RPTOR: variants seen among roughly 807,000 people sequenced by gnomAD.
RPTOR encodes regulatory-associated protein of mTOR.
RPTOR carries 21 observed loss-of-function variants against 169.9 expected under a neutral mutation model. That is an observed-to-expected ratio of 0.12 (90% CI 0.09 to 0.18). RPTOR has a LOEUF of 0.18. RPTOR is among the 10% of genes least tolerant of loss of function. The pLI is 1.00. For synonymous variants in RPTOR, 732 were observed against 753.2 expected (o/e 0.97, Z 0.46); for missense variants, 1,133 against 1,855.9 (o/e 0.61, Z 7.16).
At chr17:80,942,533 GGTGCCAGCAGGCGTA>G (rs989941512) in intron 25 of RPTOR, among the ~76,000 whole-genome samples, 1 of 152,120 alleles carries the variant, frequency 6.6e-6, no homozygotes, top group African/African-American at 2.4e-5. Flanking sequence ...CAGCAGGCGT[GGTGCCAGCAGGCGTA>G]GTGCCGGGAG....
intron 3 of RPTOR, among the ~76,000 whole-genome samples, chr17:80,660,441 G>GT (rs1221724128): frequency 1.3e-5 from 2 of 152,010 alleles, no homozygotes; most frequent in Non-Finnish European, 2.9e-5. Context: ...GTGATGGATC[G>GT]TACAACCTTT....
intron 7 of RPTOR, among the ~76,000 whole-genome samples, chr17:80,800,085 C>A (rs1871018490): frequency 6.6e-6 from 1 of 152,208 alleles, no homozygotes. Context: ...ACCCCGCTGT[C>A]TGGGGTTTGG....
chr17:80,901,782 C>A (rs1186640210), intron 20 of RPTOR, among the ~76,000 whole-genome samples: 1 of 152,064 alleles, frequency 6.6e-6, no homozygotes, highest in Non-Finnish European at 1.5e-5. Flanking sequence ...CCAGCGCCTC[C>A]CCATCTTTCC....
intron 3 of RPTOR, among the ~76,000 whole-genome samples, chr17:80,656,245 AT>A (rs2065679077): frequency 6.6e-6 from 1 of 152,004 alleles, no homozygotes; most frequent in South Asian, 2.1e-4. Context: ...TAATTTTTGT[AT>A]TTTTAGCAGA....
At chr17:80,623,633 T>G (rs763716691) in intron 1 of RPTOR, among the ~76,000 whole-genome samples, 1 of 152,112 alleles carries the variant, frequency 6.6e-6, no homozygotes, top group African/African-American at 2.4e-5. Flanking sequence ...CCTCCCAGGT[T>G]CAAGTGATTC....
chr17:80,674,235 A>G (rs2065843823), intron 3 of RPTOR, among the ~76,000 whole-genome samples: 1 of 152,244 alleles, frequency 6.6e-6, no homozygotes, highest in Non-Finnish European at 1.5e-5. Flanking sequence ...ATGTTATGGA[A>G]CAAGTTAGTA....
At chr17:80,669,893 T>C (rs1410848231) in intron 3 of RPTOR, among the ~76,000 whole-genome samples, 5 of 152,260 alleles carry the variant, frequency 3.3e-5, no homozygotes, top group African/African-American at 4.8e-5. Context: ...ACTTTCATGT[T>C]TGATTTCTGA....
At chr17:80,672,036 A>ATTTATTTTATT (rs2065825753) in intron 3 of RPTOR, among the ~76,000 whole-genome samples, 1 of 152,156 alleles carries the variant, frequency 6.6e-6, no homozygotes, top group Admixed American at 6.5e-5. Flanking sequence ...AGGTTGATTT[A>ATTTATTTTATT]TCTTTATTTT....
At chr17:80,601,385 G>A (rs980981444) in intron 1 of RPTOR, among the ~76,000 whole-genome samples, 10 of 26,296 alleles carry the variant, frequency 3.8e-4, no homozygotes, top group African/African-American at 2.7e-3. Context: ...CAGCCGCAGC[G>A]CCGGCGGGCC....
At position 80,961,397 on chromosome 17, in the gene RPTOR, C is replaced by T. The variant is rs9899178; in HGVS notation, c.3609C>T (p.Arg1203=). The change falls in exon 31 of 34, where the codon CGC becomes CGT. Residue 1203 remains arginine (R), a synonymous_variant. Coordinates refer to ENST00000306801, the MANE Select transcript of RPTOR (RefSeq NM_020761.3). ...YDRRMALSEC[R]VMTYREHTAW... Reference sequence around the variant, plus strand: ...GAGCGTGCCCCCTCCCCTACAGCCGCGTCATGACGTACCGGGAGCACACAG... The same window carrying T: ...GAGCGTGCCCCCTCCCCTACAGCCGTGTCATGACGTACCGGGAGCACACAG... The T allele has an allele frequency of 0.35, 548,019 of 1,547,310 alleles. 100,844 individuals are homozygous for T. Among genetic ancestry groups the T allele is most frequent in the East Asian group, 0.6 (24,581 of 40,926 alleles).
chr17:80,716,832 T>C (rs562934446), intron 4 of RPTOR, among the ~76,000 whole-genome samples: 52 of 152,306 alleles, frequency 3.4e-4, no homozygotes, highest in African/African-American at 1.2e-3. Context: ...GGGTGTCTTT[T>C]CCCCACTTTA....
At chr17:80,758,934 C>T (rs1008863878) in intron 6 of RPTOR, among the ~76,000 whole-genome samples, 2 of 151,612 alleles carry the variant, frequency 1.3e-5, no homozygotes, top group African/African-American at 4.9e-5. Context: ...TTCCCTGCCG[C>T]CCCACTCCAG....
At chr17:80,724,029 A>G (rs915986353) in intron 4 of RPTOR, among the ~76,000 whole-genome samples, 3 of 151,412 alleles carry the variant, frequency 2.0e-5, no homozygotes, top group Non-Finnish European at 4.4e-5. Context: ...ATGTTTGTAG[A>G]TAGGAGAAAG....
chr17:80,893,923 A>AGGTCT, intron 20 of RPTOR, 58 bp downstream of exon 20: 2 of 1,471,456 alleles, frequency 1.4e-6, no homozygotes, highest in Non-Finnish European at 1.8e-6. Context: ...CTCCCCACAC[A>AGGTCT]GAGCAGCACA....
chr17:80,579,976 A>T (rs2065000804), intron 1 of RPTOR, among the ~76,000 whole-genome samples: 1 of 152,196 alleles, frequency 6.6e-6, no homozygotes, highest in South Asian at 2.1e-4. Flanking sequence ...TTCTGTATTT[A>T]GAAAGAGAAC....
In RPTOR at chr17:80,922,787, G is replaced by A. The variant is rs144632265; in HGVS notation, c.2584G>A (p.Ala862Thr). ...CTCCTCCCTCACGCAGTCGGCCCCC[G>A]CCAGCCCCACCAACAAGGGCGTGCA... The part of the protein sequence containing the change: ...DTSSLTQSAP[A>T]SPTNKGVHIH... The change falls in exon 22 of 34, where the codon GCC becomes ACC. Residue 862 changes from alanine (A) to threonine (T), a missense_variant. Coordinates refer to ENST00000306801, the MANE Select transcript of RPTOR (RefSeq NM_020761.3). 7,469 of 1,587,372 alleles carry A rather than the reference G, an allele frequency of 4.7e-3. 29 individuals are homozygous for A. The highest frequency in any genetic ancestry group is 6.0e-3 in the Non-Finnish European group (7,081 of 1,171,344).
intron 17 of RPTOR, among the ~76,000 whole-genome samples, chr17:80,890,988 G>GAA (rs1045104121): frequency 1.4e-5 from 2 of 146,758 alleles, no homozygotes; most frequent in African/African-American, 2.5e-5. Flanking sequence ...TTTCTTTTCA[G>GAA]AAAAAAAAAA....
intron 7 of RPTOR, among the ~76,000 whole-genome samples, chr17:80,801,306 T>C (rs1052502759): frequency 6.6e-6 from 1 of 152,144 alleles, no homozygotes; most frequent in Admixed American, 6.5e-5. Context: ...CCTTCAAGGG[T>C]GGGTGCTGTT....
intron 6 of RPTOR, among the ~76,000 whole-genome samples, chr17:80,774,482 G>C (rs561419998): frequency 6.6e-6 from 1 of 152,188 alleles, no homozygotes; most frequent in Non-Finnish European, 1.5e-5. Flanking sequence ...CAGATGCTCC[G>C]CGTGCGGCCG....
Sources: gnomAD v4.1 joint callset for allele counts (sites outside exome capture counted in the v4.1 genomes callset) on GRCh38, gnomAD v4.1.1 for gene constraint, MANE v1.5 for transcripts, NCBI Gene and HGNC (gene_info 2026-07-23, HGNC 2026-07-21) for gene names.